The following HIVEP1 variants were observed in gnomAD, a reference collection of about 807,000 sequenced individuals.
HIVEP1 encodes HIVEP zinc finger 1.
A neutral mutation model predicts 180.0 loss-of-function variants in HIVEP1; 36 were observed. The observed-to-expected ratio is 0.20, with a 90% confidence interval of 0.15 to 0.26. The LOEUF (loss-of-function observed/expected upper bound fraction) is 0.26. HIVEP1 is among the 10% of genes least tolerant of loss of function. The probability of loss-of-function intolerance (pLI) is 1.00; values close to 1 mark genes in which losing one functional copy is unlikely to be tolerated. For synonymous variants in HIVEP1, 1,239 were observed against 1,239.0 expected (o/e 1.00, Z 0.00); for missense variants, 3,143 against 3,268.7 (o/e 0.96, Z 0.94).
chr6:12,044,179 A>G (rs1561882967), intron 2 of HIVEP1, among the ~76,000 whole-genome samples: 4 of 152,130 alleles, frequency 2.6e-5, no homozygotes, highest in African/African-American at 9.7e-5. Context: ...CCTGAATAAG[A>G]ATTCTAAGTG....
chr6:12,098,894 T>C (rs1429613656), intron 3 of HIVEP1, among the ~76,000 whole-genome samples: 1 of 152,232 alleles, frequency 6.6e-6, no homozygotes, highest in African/African-American at 2.4e-5. Context: ...GCAGGAAATT[T>C]ATCAAACTTT....
Position 12,122,080 on chromosome 6 carries a change from A to G in HIVEP1, c.2285A>G (p.Lys762Arg). The change falls in exon 4 of 9, where the codon AAG (lysine) becomes AGG (arginine). Residue 762 changes from lysine (K) to arginine (R), a missense_variant. Transcript: ENST00000379388. Reference protein sequence around the residue: ...ISDNEALVDDKQLDSVKPRRT... With the variant: ...ISDNEALVDDRQLDSVKPRRT... ...GACAATGAAGCTTTGGTAGATGACA[A>G]GCAACTGGATAGTGTGAAGCCGCGG... 5.6e-6 allele frequency: 9 copies of G among 1,614,246 alleles called. No homozygotes were observed. The highest frequency in any genetic ancestry group is 7.6e-6 in the Non-Finnish European group (9 of 1,180,036).
rs34364704 is a variant in HIVEP1 at position 12,041,420 on chromosome 6, TAAAAA to T, written c.40+25772_40+25776del. On this transcript the variant is annotated intron_variant, in intron 2 of 8. Transcript: ENST00000379388. ...CTGGGCGACAGAGCGAGACTCCGTC[TAAAAA>T]AAAAAAAAAAAAAAAAAAAGCCGGA... is the stretch of plus-strand genomic sequence containing the variant. Among the ~76,000 whole-genome samples, 7 of 52,272 alleles carry T rather than the reference TAAAAA, an allele frequency of 1.3e-4. No homozygotes were observed. In the East Asian group the frequency reaches 1.7e-3, roughly 13 times the overall value. The allele number at this position is 52,272 out of a possible 152,430, so 34.3% of individuals were successfully genotyped here.
chr6:12,080,697 A>G (rs1013056571), intron 2 of HIVEP1, among the ~76,000 whole-genome samples: 27 of 152,186 alleles, frequency 1.8e-4, no homozygotes, highest in Admixed American at 8.5e-4. Flanking sequence ...CTGTATCACA[A>G]TGGAAACATG....
intron 2 of HIVEP1, among the ~76,000 whole-genome samples, chr6:12,073,246 T>C (rs905342011): frequency 1.1e-4 from 16 of 152,176 alleles, no homozygotes; most frequent in Non-Finnish European, 2.2e-4. Flanking sequence ...AGGACTTGAG[T>C]TCCTAGCTCC....
At chr6:12,096,671 G>A (rs1001597924) in intron 3 of HIVEP1, among the ~76,000 whole-genome samples, 6 of 151,534 alleles carry the variant, frequency 4.0e-5, no homozygotes, top group East Asian at 1.9e-4. Flanking sequence ...TTTTTAAAAC[G>A]AAGGCTAATT....
chr6:12,130,001 G>T, intron 5 of HIVEP1, 109 bp downstream of exon 5: 1 of 709,162 alleles, frequency 1.4e-6, no homozygotes, highest in East Asian at 2.6e-5. Context: ...GATGTTGCAA[G>T]GTTTCTCAGC....
chr6:12,090,074 CAT>C (rs1194936042), intron 3 of HIVEP1, among the ~76,000 whole-genome samples: 1 of 151,890 alleles, frequency 6.6e-6, no homozygotes, highest in Non-Finnish European at 1.5e-5. Context: ...CCATAGAAAA[CAT>C]AGATTATCTT....
At chr6:12,026,335 C>A (rs1035953318) in intron 2 of HIVEP1, among the ~76,000 whole-genome samples, 9 of 152,164 alleles carry the variant, frequency 5.9e-5, no homozygotes, top group African/African-American at 1.9e-4. Context: ...GAGGAGTCAA[C>A]TTTCTTCTTA....
At chr6:12,104,511 T>C (rs926189664) in intron 3 of HIVEP1, among the ~76,000 whole-genome samples, 1 of 136,830 alleles carries the variant, frequency 7.3e-6, no homozygotes, top group African/African-American at 2.7e-5. Flanking sequence ...CTCAACCACC[T>C]GGGCTCAAGC....
At chr6:12,041,697 T>G (rs1469303234) in intron 2 of HIVEP1, among the ~76,000 whole-genome samples, 1 of 152,148 alleles carries the variant, frequency 6.6e-6, no homozygotes, top group Non-Finnish European at 1.5e-5. Context: ...AGAGTCTCGC[T>G]CTCTCGCCCA....
downstream of HIVEP1, chr6:12,165,104 T>C (rs530292294): frequency 6.5e-5 from 33 of 506,628 alleles, no homozygotes; most frequent in African/African-American, 6.4e-4. Flanking sequence ...CAACCCTTCA[T>C]TTTTTTTATA....
intron 2 of HIVEP1, among the ~76,000 whole-genome samples, chr6:12,037,444 A>C (rs142467989): frequency 6.6e-6 from 1 of 152,308 alleles, no homozygotes; most frequent in East Asian, 1.9e-4. Flanking sequence ...CGTTTATTGC[A>C]TTGGTGGCAA....
the HIVEP1 span, among the ~76,000 whole-genome samples, chr6:12,196,587 T>C: frequency 6.6e-6 from 1 of 152,228 alleles, no homozygotes; most frequent in Middle Eastern, 3.2e-3. Flanking sequence ...ATTAGGGTGA[T>C]GTGAGGTTAG....
At position 12,069,723 on chromosome 6, in the gene HIVEP1, A is replaced by G. The variant is rs148496384; in HGVS notation, c.41-19461A>G. 9.6e-4 allele frequency among the ~76,000 whole-genome samples: 146 copies of G among 151,780 alleles called. 1 individual carries two copies. In the East Asian group the frequency reaches 0.02, roughly 21 times the overall value. The stretch of plus-strand genomic sequence containing the variant: ...TGTACCCTAAAACTTAAAGTATAAT[A>G]ATAATAAATAAATAAATAAAAAGAA... On this transcript the variant is annotated intron_variant, in intron 2 of 8. Coordinates refer to ENST00000379388, the MANE Select transcript of HIVEP1 (RefSeq NM_002114.4).
chr6:12,034,097 A>C (rs1336912297), intron 2 of HIVEP1, among the ~76,000 whole-genome samples: 1 of 152,258 alleles, frequency 6.6e-6, no homozygotes. Flanking sequence ...AGTAACATAC[A>C]TGATAGAGCA....
intron 2 of HIVEP1, among the ~76,000 whole-genome samples, chr6:12,086,548 C>G (rs769477962): frequency 6.6e-6 from 1 of 151,924 alleles, no homozygotes; most frequent in Non-Finnish European, 1.5e-5. Context: ...CCTTTGCTCC[C>G]CCTCCCCTAA....
Position 12,121,037 on chromosome 6 carries a change from A to C in HIVEP1, c.1242A>C (p.Ala414=), listed in dbSNP as rs1757611457. The stretch of plus-strand genomic sequence containing the variant: ...ATATTTGTGAGTATTGCAATAGAGC[A>C]TGTGCAAAGCCTAGTGTGCTTTTAA... The part of the protein sequence containing the change: ...GKYICEYCNR[A]CAKPSVLLKH... The change falls in exon 4 of 9, where the codon GCA becomes GCC. Residue 414 remains alanine, a synonymous_variant. Coordinates refer to ENST00000379388, the MANE Select transcript of HIVEP1 (RefSeq NM_002114.4). This position sits in a 1 kb window ranked among gnomAD's most constrained non-coding sequence, Gnocchi z 5.3. 1.9e-6 allele frequency: 3 copies of C among 1,614,226 alleles called. No individual in the cohort carries two copies. The highest frequency in any genetic ancestry group is 1.7e-6 in the Non-Finnish European group (2 of 1,180,034).
In HIVEP1 at chr6:12,121,886, C is replaced by T; in HGVS notation, c.2091C>T (p.Pro697=). 6.2e-7 allele frequency: 1 copy of T among 1,614,188 alleles called. No homozygotes were observed. The highest frequency in any genetic ancestry group is 1.1e-5 in the South Asian group (1 of 91,084). The part of the protein sequence containing the change: ...SPPTPFARRL[P]STEQDSGRSN... ...CAACTCCCTTTGCCAGAAGGTTACCCAGCACAGAACAAGACTCTGGAAGGA... is the reference window on the plus strand; with the variant it reads ...CAACTCCCTTTGCCAGAAGGTTACCTAGCACAGAACAAGACTCTGGAAGGA... Residue 697 remains proline, a synonymous_variant, in exon 4 of 9, where the codon CCC becomes CCT. Transcript: ENST00000379388. This position sits in a 1 kb window ranked among gnomAD's most constrained non-coding sequence, Gnocchi z 5.3.
Sources: allele counts gnomAD v4.1 joint callset (sites outside exome capture counted in the v4.1 genomes callset), GRCh38; gene constraint gnomAD v4.1.1; non-coding constraint Gnocchi (gnomAD v3.1); transcripts MANE v1.5; gene names NCBI Gene and HGNC (gene_info 2026-07-23, HGNC 2026-07-21).